PRKAR2B: variants seen among roughly 807,000 people sequenced by gnomAD.
PRKAR2B encodes the protein cAMP-dependent protein kinase type II-beta regulatory subunit.
Under a neutral mutation model 49.9 loss-of-function variants are expected in PRKAR2B, and 14 were observed. The observed-to-expected ratio is 0.28, with a 90% confidence interval of 0.19 to 0.44. PRKAR2B has a LOEUF of 0.44. PRKAR2B is among the 20% of genes least tolerant of loss of function. PRKAR2B has a pLI of 1.00. For synonymous variants in PRKAR2B, 196 were observed against 197.7 expected (o/e 0.99, Z 0.07); for missense variants, 393 against 537.9 (o/e 0.73, Z 2.67).
intron 6 of PRKAR2B, among the ~76,000 whole-genome samples, chr7:107,149,443 C>T (rs1292114412): frequency 2.0e-5 from 3 of 152,002 alleles, no homozygotes; most frequent in Admixed American, 6.6e-5. Context: ...CCAGAAGATT[C>T]GGTGTCTGGT....
intron 2 of PRKAR2B, among the ~76,000 whole-genome samples, chr7:107,118,218 GGTGA>G (rs1795314949): frequency 6.6e-6 from 1 of 152,068 alleles, no homozygotes; most frequent in South Asian, 2.1e-4. Flanking sequence ...CAGGAATTTT[GGTGA>G]GTAAGACAAA....
Position 107,158,576 on chromosome 7 carries a change from G to A in PRKAR2B, c.1124-873G>A, listed in dbSNP as rs530068155. 4.6e-5 allele frequency among the ~76,000 whole-genome samples: 7 copies of A among 152,190 alleles called. No individual in the cohort carries two copies. The East Asian group carries it at 7.7e-4, about 17-fold the overall frequency. On this transcript the variant is annotated intron_variant, in intron 10 of 10. Coordinates refer to ENST00000265717, the MANE Select transcript of PRKAR2B (RefSeq NM_002736.3). ...ATCATTCCTTAGTGGTAAATACTTC[G>A]AAGGTTTTGGCTCCAACTTTTTTGT...
At position 107,140,893 on chromosome 7, in the gene PRKAR2B, A is replaced by G; in HGVS notation, c.527A>G (p.Lys176Arg). Reference sequence around the variant, plus strand: ...GATGCCATGTTTGAAAAATTGGTCAAAGATGGGGAGCATGTAATTGATCAA... The same window carrying G: ...GATGCCATGTTTGAAAAATTGGTCAGAGATGGGGAGCATGTAATTGATCAA... Reference protein sequence around the residue: ...VLDAMFEKLVKDGEHVIDQGD... With the variant: ...VLDAMFEKLVRDGEHVIDQGD... The change falls in exon 5 of 11, where the codon AAA (lysine) becomes AGA (arginine). Residue 176 changes from lysine (K) to arginine (R), a missense_variant. Physicochemically the swap from Lys to Arg is conservative, Grantham distance 26. Transcript: ENST00000265717. 3 of 1,613,134 alleles carry G rather than the reference A, an allele frequency of 1.9e-6. No homozygotes were observed. The highest frequency in any genetic ancestry group is 2.5e-6 in the Non-Finnish European group (3 of 1,179,460).
intron 1 of PRKAR2B, 83 bp from the exon 2 acceptor site, chr7:107,070,198 A>G (rs1017405667): frequency 5.3e-6 from 5 of 950,830 alleles, no homozygotes; most frequent in Non-Finnish European, 8.1e-6. Flanking sequence ...AAATTATAAG[A>G]TGGTTTACCA....
At chr7:107,149,644 A>T (rs1584454459) in intron 6 of PRKAR2B, among the ~76,000 whole-genome samples, 2 of 152,216 alleles carry the variant, frequency 1.3e-5, no homozygotes, top group East Asian at 3.9e-4. Flanking sequence ...TAGGATTTCA[A>T]CAGAGGGATT....
At chr7:107,106,115 C>G (rs935723537) in intron 2 of PRKAR2B, among the ~76,000 whole-genome samples, 16 of 152,160 alleles carry the variant, frequency 1.1e-4, no homozygotes, top group African/African-American at 3.9e-4. Flanking sequence ...TTCCTGAGTG[C>G]CTCAACCAAA....
rs10692192 is a variant in PRKAR2B at position 107,059,696 on chromosome 7, ATGTGTG to A, written c.308-10567_308-10562del. On this transcript the variant is annotated intron_variant, in intron 1 of 10. Coordinates refer to ENST00000265717, the MANE Select transcript of PRKAR2B (RefSeq NM_002736.3). ...ATTTTTTGTTATAGTGCTGTAGTGA[ATGTGTG>A]TGTGTGTGTGTGTGTGTATGTGTGT... Among the ~76,000 whole-genome samples the A allele has an allele frequency of 1.2e-4, 18 of 149,666 alleles. No individual in the cohort carries two copies. In the South Asian group the frequency reaches 1.3e-3, roughly 11 times the overall value.
chr7:107,115,690 GA>G (rs1421632150), intron 2 of PRKAR2B, among the ~76,000 whole-genome samples: 1 of 152,144 alleles, frequency 6.6e-6, no homozygotes. Flanking sequence ...AAGAGAGAGA[GA>G]AACACCTTGT....
chr7:107,157,459 A>C (rs1796114221), intron 10 of PRKAR2B, 135 bp downstream of exon 10: 1 of 1,122,062 alleles, frequency 8.9e-7, no homozygotes, highest in Non-Finnish European at 1.2e-6. Flanking sequence ...ATTAGGACTC[A>C]TTGCCTTATA....
At chr7:107,098,096 G>C (rs1794881029) in intron 2 of PRKAR2B, among the ~76,000 whole-genome samples, 1 of 152,210 alleles carries the variant, frequency 6.6e-6, no homozygotes, top group African/African-American at 2.4e-5. Context: ...ATAATATCCT[G>C]AAGAGTGTTT....
At position 107,161,460 on chromosome 7, in the gene PRKAR2B, A is replaced by G. The variant is rs1796195629; in HGVS notation, c.*1878A>G. On this transcript the variant is annotated 3_prime_UTR_variant, in exon 11 of 11. Coordinates refer to ENST00000265717, the MANE Select transcript of PRKAR2B (RefSeq NM_002736.3). ...TACATTATTTTCAGTATTGTTGGTT[A>G]TATTTAAATTTTCCTTACAATAAAG... 6.5e-6 allele frequency: 1 copy of G among 152,672 alleles called. No individual in the cohort carries two copies. The highest frequency in any genetic ancestry group is 2.4e-5 in the African/African-American group (1 of 41,468). 9.5% of individuals were successfully genotyped at this position (152,672 alleles called of 1,614,324 possible). A position where few individuals can be genotyped will look rare whatever the true frequency, so the allele number is the denominator to read the frequency against.
chr7:107,070,090 AT>A, intron 1 of PRKAR2B, 190 bp from the exon 2 acceptor site: 1 of 459,426 alleles, frequency 2.2e-6, no homozygotes, highest in Non-Finnish European at 3.8e-6. Context: ...TAAAATACTG[AT>A]TTCAATTTAT....
intron 1 of PRKAR2B, among the ~76,000 whole-genome samples, chr7:107,068,116 C>G (rs1207632318): frequency 6.6e-6 from 1 of 152,144 alleles, no homozygotes; most frequent in African/African-American, 2.4e-5. Flanking sequence ...ATTTAGAAAA[C>G]ATCTTCTAGA....
chr7:107,050,510 G>A (rs1033131964), intron 1 of PRKAR2B, among the ~76,000 whole-genome samples: 1 of 152,000 alleles, frequency 6.6e-6, no homozygotes, highest in African/African-American at 2.4e-5. Context: ...AAAAACAATT[G>A]TGTTTCTTTT....
At chr7:107,137,886 A>G (rs1034439065) in intron 4 of PRKAR2B, among the ~76,000 whole-genome samples, 2 of 152,086 alleles carry the variant, frequency 1.3e-5, no homozygotes, top group African/African-American at 4.8e-5. Flanking sequence ...TTAGTGTTCT[A>G]AAAATACATT....
rs548406576 is a variant in PRKAR2B, at chr7:107,153,091, A to G, written c.844-86A>G. 15 of 906,106 alleles carry G rather than the reference A, an allele frequency of 1.7e-5. No individual in the cohort carries two copies. The East Asian group carries it at 2.8e-4, about 17-fold the overall frequency. The allele number at this position is 906,106 out of a possible 1,614,324, so 56.1% of individuals were successfully genotyped here. On this transcript the variant is annotated intron_variant, in intron 7 of 10. Coordinates refer to ENST00000265717, the MANE Select transcript of PRKAR2B (RefSeq NM_002736.3). Reference sequence around the variant, plus strand: ...ACACACTGCTCGATTTATTTGGCCTATAGGCTACCAGTTTTTTACTCCCGA... The same window carrying G: ...ACACACTGCTCGATTTATTTGGCCTGTAGGCTACCAGTTTTTTACTCCCGA...
chr7:107,119,727 A>C (rs1319319524), intron 2 of PRKAR2B, among the ~76,000 whole-genome samples: 1 of 152,144 alleles, frequency 6.6e-6, no homozygotes, highest in Non-Finnish European at 1.5e-5. Flanking sequence ...TTCAATAGTG[A>C]CTTGGCTGCT....
At chr7:107,137,548 A>G (rs749198519) in intron 4 of PRKAR2B, among the ~76,000 whole-genome samples, 1 of 152,190 alleles carries the variant, frequency 6.6e-6, no homozygotes, top group African/African-American at 2.4e-5. Flanking sequence ...ATAAATATCT[A>G]TATAGTAACT....
chr7:107,135,746 C>T (rs1266791383), intron 4 of PRKAR2B, among the ~76,000 whole-genome samples: 1 of 152,104 alleles, frequency 6.6e-6, no homozygotes, highest in African/African-American at 2.4e-5. Context: ...GAAGAGATTT[C>T]CATGTTCATG....
Sources: gnomAD v4.1 joint callset for allele counts (sites outside exome capture counted in the v4.1 genomes callset) on GRCh38, gnomAD v4.1.1 for gene constraint, MANE v1.5 for transcripts, NCBI Gene and HGNC (gene_info 2026-07-23, HGNC 2026-07-21) for gene names.